ASIC2: variants seen among roughly 807,000 people sequenced by gnomAD.
ASIC2 encodes acid sensing ion channel subunit 2, also known as acid-sensing ion channel 2.
Under a neutral mutation model 57.3 loss-of-function variants are expected in ASIC2, and 25 were observed. That is an observed-to-expected ratio of 0.44 (90% CI 0.32 to 0.61). The LOEUF (loss-of-function observed/expected upper bound fraction) is 0.61. Among genes scored for constraint, ASIC2 ranks in the 20% least tolerant of loss-of-function variants. ASIC2 has a pLI of 0.06. For synonymous variants in ASIC2, 319 were observed against 307.5 expected (o/e 1.04, Z -0.39); for missense variants, 641 against 738.1 (o/e 0.87, Z 1.52).
chr17:33,198,344 C>A (rs191238288), intron 1 of ASIC2, among the ~76,000 whole-genome samples: 2 of 152,278 alleles, frequency 1.3e-5, no homozygotes, highest in African/African-American at 4.8e-5. Flanking sequence ...AATGTGAGAC[C>A]CTGTTTCAAA....
chr17:33,593,797 C>T (rs1904901432), intron 1 of ASIC2, among the ~76,000 whole-genome samples: 1 of 152,202 alleles, frequency 6.6e-6, no homozygotes. Flanking sequence ...ATTCTTGATT[C>T]CTAGTCTGTG....
At chr17:33,111,866 G>A (rs761276993) in intron 2 of ASIC2, 51 bp downstream of exon 2, 3 of 1,562,626 alleles carry the variant, frequency 1.9e-6, no homozygotes, top group Non-Finnish European at 2.6e-6. Context: ...TCAGAGTCAG[G>A]CCTGCAACCC....
chr17:33,776,528 A>T (rs1465754501), intron 1 of ASIC2, among the ~76,000 whole-genome samples: 1 of 152,228 alleles, frequency 6.6e-6, no homozygotes, highest in Non-Finnish European at 1.5e-5. Flanking sequence ...TACAGGATGC[A>T]GAGTTACATT....
intron 1 of ASIC2, among the ~76,000 whole-genome samples, chr17:34,084,198 T>C (rs1910006783): frequency 6.6e-6 from 1 of 151,900 alleles, no homozygotes; most frequent in African/African-American, 2.4e-5. Context: ...TTGATTTTTG[T>C]ATAAGGTGTA....
intron 1 of ASIC2, among the ~76,000 whole-genome samples, chr17:33,350,060 C>T (rs117504843): frequency 6.6e-6 from 1 of 152,282 alleles, no homozygotes; most frequent in Non-Finnish European, 1.5e-5. Context: ...AAGACTGGGC[C>T]GACAATTTGC....
At chr17:33,755,882 G>A (rs996289553) in intron 1 of ASIC2, among the ~76,000 whole-genome samples, 4 of 152,230 alleles carry the variant, frequency 2.6e-5, no homozygotes, top group African/African-American at 9.6e-5. Context: ...TTAGGTGCAC[G>A]AGGAGGGCAG....
intron 1 of ASIC2, among the ~76,000 whole-genome samples, chr17:33,202,717 T>C (rs1316474126): frequency 6.6e-6 from 1 of 152,214 alleles, no homozygotes; most frequent in Non-Finnish European, 1.5e-5. Context: ...TTGCAGTTCA[T>C]TGTTATTTTC....
intron 1 of ASIC2, among the ~76,000 whole-genome samples, chr17:33,594,369 G>A (rs926825582): frequency 1.3e-5 from 2 of 152,238 alleles, no homozygotes; most frequent in Admixed American, 6.5e-5. Flanking sequence ...AGTCTGAAGT[G>A]AGAGAAACCC....
At chr17:33,356,512 C>T (rs1034872893) in intron 1 of ASIC2, among the ~76,000 whole-genome samples, 29 of 152,160 alleles carry the variant, frequency 1.9e-4, no homozygotes, top group Non-Finnish European at 1.8e-4. Context: ...GTGCAATCTG[C>T]ATTCCTAGGC....
chr17:33,041,290 G>A (rs917216065), intron 3 of ASIC2, among the ~76,000 whole-genome samples: 4 of 152,210 alleles, frequency 2.6e-5, no homozygotes, highest in Non-Finnish European at 5.9e-5. Flanking sequence ...GATGCACCTT[G>A]CACAGTGTTT....
rs147406844 is a variant in ASIC2, at chr17:33,389,793, T to C, written c.556-277726A>G. On this transcript the variant is annotated intron_variant, in intron 1 of 9. Transcript: ENST00000359872. Reference sequence around the variant, plus strand: ...AAATCCTGAGATACTTGGGAAACTATTTATGAACAGGAATGATGATAAGAT... The same window carrying C: ...AAATCCTGAGATACTTGGGAAACTACTTATGAACAGGAATGATGATAAGAT... Among the ~76,000 whole-genome samples the C allele has an allele frequency of 9.2e-5, 14 of 152,336 alleles. No homozygotes were observed. The East Asian group carries it at 2.3e-3, about 25-fold the overall frequency.
chr17:34,042,193 TA>T (rs768401845), intron 1 of ASIC2, among the ~76,000 whole-genome samples: 41 of 152,286 alleles, frequency 2.7e-4, no homozygotes, highest in Non-Finnish European at 5.4e-4. Context: ...AACAACCACT[TA>T]TTATATGACA....
chr17:33,284,137 T>C (rs1253112181), intron 1 of ASIC2, among the ~76,000 whole-genome samples: 1 of 152,202 alleles, frequency 6.6e-6, no homozygotes, highest in East Asian at 1.9e-4. Flanking sequence ...ATTAATAGTA[T>C]AAACAATGGT....
intron 1 of ASIC2, among the ~76,000 whole-genome samples, chr17:33,925,054 G>A (rs1458209082): frequency 1.3e-5 from 2 of 152,236 alleles, no homozygotes; most frequent in Non-Finnish European, 1.5e-5. Context: ...CCAGGGCTGG[G>A]CTTCCTGCCT....
intron 1 of ASIC2, among the ~76,000 whole-genome samples, chr17:33,589,725 T>C (rs926442800): frequency 2.1e-4 from 32 of 152,308 alleles, no homozygotes; most frequent in Admixed American, 9.1e-4. Flanking sequence ...CTGAATAATA[T>C]TCATATATAT....
At chr17:33,814,254 G>A (rs948235789) in intron 1 of ASIC2, among the ~76,000 whole-genome samples, 5 of 152,122 alleles carry the variant, frequency 3.3e-5, no homozygotes, top group South Asian at 4.1e-4. Context: ...CTTCCTCCAT[G>A]GGAAGCAAAG....
intron 1 of ASIC2, among the ~76,000 whole-genome samples, chr17:33,810,002 C>A (rs902022116): frequency 6.6e-6 from 1 of 152,082 alleles, no homozygotes; most frequent in African/African-American, 2.4e-5. Flanking sequence ...CTTTCAGGGC[C>A]CTGAGTAAGA....
chr17:33,241,062 A>T (rs1240477607), intron 1 of ASIC2, among the ~76,000 whole-genome samples: 1 of 152,100 alleles, frequency 6.6e-6, no homozygotes, highest in East Asian at 1.9e-4. Context: ...ATAGATCAGG[A>T]CACTGAAGCC....
chr17:33,124,999 T>A (rs1198120119), intron 1 of ASIC2, among the ~76,000 whole-genome samples: 1 of 152,144 alleles, frequency 6.6e-6, no homozygotes, highest in African/African-American at 2.4e-5. Context: ...CTGCTACTGA[T>A]CTGAGAGGAG....
Sources: allele counts gnomAD v4.1 joint callset (sites outside exome capture counted in the v4.1 genomes callset), GRCh38; gene constraint gnomAD v4.1.1; transcripts MANE v1.5; gene names NCBI Gene and HGNC (gene_info 2026-07-23, HGNC 2026-07-21).